LOXL2: variants seen among roughly 807,000 people sequenced by gnomAD.
LOXL2 encodes the protein lysyl oxidase like 2, also known as lysyl oxidase homolog 2.
Under a neutral mutation model 93.0 loss-of-function variants are expected in LOXL2, and 70 were observed. That is an observed-to-expected ratio of 0.75 (90% CI 0.62 to 0.92). The LOEUF (loss-of-function observed/expected upper bound fraction) is 0.92. LOXL2 is among the 40% of genes least tolerant of loss of function. LOXL2 has a pLI of 0.00. For synonymous variants in LOXL2, 438 were observed against 413.2 expected (o/e 1.06, Z -0.73); for missense variants, 973 against 1,054.9 (o/e 0.92, Z 1.08).
At chr8:23,319,277 T>C (rs986258011) in intron 8 of LOXL2, among the ~76,000 whole-genome samples, 4 of 3,090 alleles carry the variant, frequency 1.3e-3, no homozygotes, top group African/African-American at 2.1e-3. Context: ...TGCTCTGTGA[T>C]GGGGGCGGGA....
intron 8 of LOXL2, among the ~76,000 whole-genome samples, chr8:23,317,563 A>G (rs1803423037): frequency 6.7e-6 from 1 of 149,898 alleles, no homozygotes; most frequent in African/African-American, 2.5e-5. Context: ...GGTGGGAGAG[A>G]AGAAGAAATC....
At chr8:23,316,805 C>T (rs1803408145) in intron 9 of LOXL2, 144 bp downstream of exon 9, 1 of 813,694 alleles carries the variant, frequency 1.2e-6, no homozygotes, top group Non-Finnish European at 1.8e-6. Context: ...ATCTCTCTTG[C>T]CCCCAGTTTT....
intron 8 of LOXL2, 66 bp from the exon 9 acceptor site, chr8:23,317,180 C>G (rs918582603): frequency 2.6e-6 from 4 of 1,518,870 alleles, no homozygotes; most frequent in Admixed American, 1.7e-5. Context: ...CATATCCTAT[C>G]AACTTGCAGC....
intron 3 of LOXL2, among the ~76,000 whole-genome samples, chr8:23,355,512 CTTTTTTTTTTTTTT>C (rs58824822): frequency 2.5e-5 from 2 of 80,320 alleles, no homozygotes; most frequent in East Asian, 5.2e-4. Flanking sequence ...TTGACATTCA[CTTTTTTTTTTTTTT>C]TTTTTTTTTT....
chr8:23,348,024 A>G (rs752478709), intron 3 of LOXL2, among the ~76,000 whole-genome samples: 25 of 151,990 alleles, frequency 1.6e-4, no homozygotes, highest in Non-Finnish European at 3.7e-4. Context: ...AAGTATAATT[A>G]AAAAAAAGAA....
At chr8:23,388,623 TCACACACACACACACACA>T (rs10522826) in intron 1 of LOXL2, among the ~76,000 whole-genome samples, 54 of 142,924 alleles carry the variant, frequency 3.8e-4, no homozygotes, top group African/African-American at 7.9e-4. Context: ...AAAAATATAC[TCACACACACACACACACA>T]CACACACACA....
At chr8:23,358,514 T>A (rs767032640) in intron 3 of LOXL2, among the ~76,000 whole-genome samples, 2 of 152,204 alleles carry the variant, frequency 1.3e-5, no homozygotes, top group Non-Finnish European at 2.9e-5. Flanking sequence ...GAAGGTTCCT[T>A]GGTCTGGATT....
Position 23,304,199 on chromosome 8 carries a change from G to C in LOXL2, c.1881-802C>G, listed in dbSNP as rs567673933. Reference sequence around the variant, plus strand: ...TTCTGCAGGAGAGCTTGTGCAAGCAGGCTGCAAATCCCTTGCCGCTGGTTT... The same window carrying C: ...TTCTGCAGGAGAGCTTGTGCAAGCACGCTGCAAATCCCTTGCCGCTGGTTT... On this transcript the variant is annotated intron_variant, in intron 10 of 13. Transcript: ENST00000389131. Among the ~76,000 whole-genome samples, 35 of 152,252 alleles carry C rather than the reference G, an allele frequency of 2.3e-4. 1 individual carries two copies. The highest frequency in any genetic ancestry group is 4.7e-4 in the Non-Finnish European group (32 of 68,046).
At chr8:23,341,907 T>TGCAGCAAGGAAAGGAGAC (rs1408982640) in intron 3 of LOXL2, among the ~76,000 whole-genome samples, 3 of 152,302 alleles carry the variant, frequency 2.0e-5, no homozygotes, top group East Asian at 3.9e-4. Flanking sequence ...ACTATTTGGC[T>TGCAGCAAGGAAAGGAGAC]GCAGCAAGGA....
At chr8:23,385,051 T>G (rs1804738266) in intron 1 of LOXL2, among the ~76,000 whole-genome samples, 1 of 145,316 alleles carries the variant, frequency 6.9e-6, no homozygotes, top group Admixed American at 7.0e-5. Context: ...AGGGAGCAAT[T>G]CCACAGCAGT....
chr8:23,377,499 A>G, intron 1 of LOXL2, among the ~76,000 whole-genome samples: 1 of 124,976 alleles, frequency 8.0e-6, no homozygotes, highest in African/African-American at 3.0e-5. Flanking sequence ...ATCCTTGTTA[A>G]CTTTCTGTCT....
intron 13 of LOXL2, among the ~76,000 whole-genome samples, chr8:23,298,553 A>C (rs1034925809): frequency 2.6e-5 from 4 of 152,250 alleles, no homozygotes; most frequent in Non-Finnish European, 5.9e-5. Flanking sequence ...TTGAGGTCAC[A>C]TACATAATGA....
At chr8:23,320,180 C>G (rs933379847) in intron 7 of LOXL2, 128 bp from the exon 8 acceptor site, 4 of 1,011,176 alleles carry the variant, frequency 4.0e-6, no homozygotes, top group Admixed American at 4.7e-5. Context: ...TCAGATTCAG[C>G]AGCACCCTTG....
intron 1 of LOXL2, among the ~76,000 whole-genome samples, chr8:23,391,553 ACT>A (rs891345452): frequency 2.0e-5 from 3 of 152,118 alleles, no homozygotes; most frequent in African/African-American, 4.8e-5. Flanking sequence ...TCTCAGACAC[ACT>A]GTTTCTCAGA....
At chr8:23,300,886 C>T (rs573154366) in intron 12 of LOXL2, among the ~76,000 whole-genome samples, 17 of 152,324 alleles carry the variant, frequency 1.1e-4, no homozygotes, top group South Asian at 6.2e-4. Flanking sequence ...GCACTGTATA[C>T]GTGCACATGG....
At chr8:23,319,399 G>A (rs907939925) in intron 8 of LOXL2, among the ~76,000 whole-genome samples, 3 of 151,176 alleles carry the variant, frequency 2.0e-5, no homozygotes, top group Non-Finnish European at 4.4e-5. Context: ...ATTCCCTAGC[G>A]TGTCAATGGG....
intron 6 of LOXL2, among the ~76,000 whole-genome samples, chr8:23,326,692 T>C (rs1007543421): frequency 2.5e-4 from 38 of 152,104 alleles, no homozygotes; most frequent in Non-Finnish European, 1.3e-4. Flanking sequence ...AGGCAGAGGT[T>C]GCAGTGAGCC....
At chr8:23,390,849 T>C (rs751188768) in intron 1 of LOXL2, among the ~76,000 whole-genome samples, 2 of 152,174 alleles carry the variant, frequency 1.3e-5, no homozygotes, top group African/African-American at 2.4e-5. Flanking sequence ...GATAAAGACA[T>C]ACCTGAGATG....
intron 1 of LOXL2, among the ~76,000 whole-genome samples, chr8:23,374,696 G>C (rs1445267515): frequency 6.6e-6 from 1 of 152,188 alleles, no homozygotes; most frequent in African/African-American, 2.4e-5. Context: ...TTCTCTGATG[G>C]CCAGTAATGA....
Sources: gnomAD v4.1 joint callset for allele counts (sites outside exome capture counted in the v4.1 genomes callset) on GRCh38, gnomAD v4.1.1 for gene constraint, MANE v1.5 for transcripts, NCBI Gene and HGNC (gene_info 2026-07-23, HGNC 2026-07-21) for gene names.